Variants in ROBO2 observed in about 807,000 individuals in gnomAD.
ROBO2 encodes roundabout guidance receptor 2.
A neutral mutation model predicts 160.8 loss-of-function variants in ROBO2; 53 were observed. That is an observed-to-expected ratio of 0.33 (90% CI 0.26 to 0.41). The LOEUF is 0.41. ROBO2 is among the 10% of genes least tolerant of loss of function. The pLI is 1.00. For missense variants in ROBO2, 1,577 were observed against 1,722.4 expected, an observed-to-expected ratio of 0.92 and a Z score of 1.49; for synonymous variants, 664 against 611.7, an observed-to-expected ratio of 1.09 and a Z score of -1.26.
At chr3:76,223,589 C>T (rs545144929) in intron 2 of ROBO2, among the ~76,000 whole-genome samples, 5 of 152,250 alleles carry the variant, frequency 3.3e-5, no homozygotes, top group South Asian at 2.1e-4. Context: ...TTTCCCCAAT[C>T]GGTGCCCTCA....
chr3:77,585,330 T>C (rs1361120345), intron 16 of ROBO2, among the ~76,000 whole-genome samples: 1 of 151,422 alleles, frequency 6.6e-6, no homozygotes. Context: ...CAATCACAGT[T>C]ATGCACTGAA....
chr3:77,372,230 G>A lies in ROBO2; in HGVS notation c.389-105184G>A, dbSNP rs112572043. Among the ~76,000 whole-genome samples the A allele has an allele frequency of 4.4e-3, 662 of 152,110 alleles. 1 individual carries two copies. The highest frequency in any genetic ancestry group is 0.014 in the Middle Eastern group (4 of 294). On this transcript the variant is annotated intron_variant, in intron 2 of 25. Transcript: ENST00000461745. Reference sequence around the variant, plus strand: ...GGGAGCAAGAAAAGAAAAAGGAAAAGCATTATTAAAAAGTGTCCGGTTTAG... The same window carrying A: ...GGGAGCAAGAAAAGAAAAAGGAAAAACATTATTAAAAAGTGTCCGGTTTAG...
intron 2 of ROBO2, among the ~76,000 whole-genome samples, chr3:76,472,092 TGTGTGTGTGCGC>T (rs1450212912): frequency 4.8e-5 from 6 of 123,922 alleles, no homozygotes; most frequent in African/African-American, 1.4e-4. Context: ...TGTGTGTGTG[TGTGTGTGTGCGC>T]GTGTGCGTGC....
chr3:76,985,442 C>T (rs573661435), intron 2 of ROBO2, among the ~76,000 whole-genome samples: 2 of 151,158 alleles, frequency 1.3e-5, no homozygotes, highest in African/African-American at 4.8e-5. Flanking sequence ...ATTAGCCGGG[C>T]GTGGTGGCAG....
intron 2 of ROBO2, among the ~76,000 whole-genome samples, chr3:76,601,366 C>T (rs1479692097): frequency 1.3e-5 from 2 of 152,200 alleles, no homozygotes; most frequent in East Asian, 3.9e-4. Context: ...CCCTTCAGCA[C>T]TACCCTAGCA....
chr3:77,606,865 A>G (rs754557766), intron 20 of ROBO2, among the ~76,000 whole-genome samples: 6 of 152,214 alleles, frequency 3.9e-5, no homozygotes, highest in Non-Finnish European at 7.4e-5. Context: ...TGGGAGCCAC[A>G]GAAGTTATAT....
intron 2 of ROBO2, among the ~76,000 whole-genome samples, chr3:77,456,126 A>G (rs1453123435): frequency 6.6e-6 from 1 of 152,202 alleles, no homozygotes; most frequent in Non-Finnish European, 1.5e-5. Context: ...CCATAATATC[A>G]TAGCACATTC....
chr3:76,054,032 G>C lies in ROBO2; in HGVS notation c.109+116430G>C, dbSNP rs191365043. Reference sequence around the variant, plus strand: ...TCTGTTTGGAACTAAATTGACCAAAGACATTAACAAACATGTCTGATATGG... The same window carrying C: ...TCTGTTTGGAACTAAATTGACCAAACACATTAACAAACATGTCTGATATGG... On this transcript the variant is annotated intron_variant, in intron 2 of 26. Transcript: ENST00000487694. 1.1e-3 allele frequency among the ~76,000 whole-genome samples: 170 copies of C among 152,134 alleles called. 1 individual carries two copies. In the Middle Eastern group the frequency reaches 0.017, roughly 15 times the overall value.
chr3:76,456,489 C>G (rs2077761492), intron 2 of ROBO2, among the ~76,000 whole-genome samples: 1 of 152,164 alleles, frequency 6.6e-6, no homozygotes, highest in African/African-American at 2.4e-5. Flanking sequence ...AAAGTACCAG[C>G]AGGTACTTTA....
chr3:77,629,617 G>A (rs962280152), intron 23 of ROBO2: 5 of 152,172 alleles, frequency 3.3e-5, no homozygotes, highest in Middle Eastern at 3.4e-3. Context: ...CAATATTCAA[G>A]TATATCAAAG....
intron 2 of ROBO2, among the ~76,000 whole-genome samples, chr3:77,332,945 C>T (rs183819761): frequency 6.6e-6 from 1 of 152,164 alleles, no homozygotes; most frequent in Admixed American, 6.5e-5. Context: ...AACCCGGATG[C>T]GCTTCCTCAC....
intron 2 of ROBO2, among the ~76,000 whole-genome samples, chr3:75,955,334 A>G (rs770481021): frequency 6.6e-6 from 1 of 151,800 alleles, no homozygotes; most frequent in Non-Finnish European, 1.5e-5. Context: ...AGAACTTTGC[A>G]TAGAATATAA....
At chr3:77,168,491 T>C (rs1391241027) in intron 2 of ROBO2, among the ~76,000 whole-genome samples, 3 of 152,204 alleles carry the variant, frequency 2.0e-5, no homozygotes, top group Non-Finnish European at 2.9e-5. Flanking sequence ...CTTCCTTTTC[T>C]TATTTCCTTT....
Position 77,538,170 on chromosome 3 carries a change from C to CTTTTT in ROBO2, c.935-8146_935-8142dup, listed in dbSNP as rs59409802. ...GGTAATTTAGCAATTTGATCATTTA[C>CTTTTT]TTTTTTTTTTTTTTTTTTTTTTTTT... On this transcript the variant is annotated intron_variant, in intron 6 of 25. Transcript: ENST00000461745. 3.0e-4 allele frequency among the ~76,000 whole-genome samples: 31 copies of CTTTTT among 102,492 alleles called. 2 individuals are homozygous for CTTTTT. Among genetic ancestry groups the CTTTTT allele is most frequent in the Non-Finnish European group, 3.6e-4 (19 of 52,494 alleles). 67.2% of individuals were successfully genotyped at this position (102,492 alleles called of 152,430 possible). A position where few individuals can be genotyped will look rare whatever the true frequency, so the allele number is the denominator to read the frequency against.
chr3:76,346,386 T>G (rs1264411229), intron 2 of ROBO2, among the ~76,000 whole-genome samples: 1 of 152,126 alleles, frequency 6.6e-6, no homozygotes, highest in Non-Finnish European at 1.5e-5. Context: ...TAGAAAGCAT[T>G]GACGGTAAGT....
At chr3:77,420,876 G>A (rs1293129846) in intron 2 of ROBO2, among the ~76,000 whole-genome samples, 1 of 152,086 alleles carries the variant, frequency 6.6e-6, no homozygotes, top group Non-Finnish European at 1.5e-5. Flanking sequence ...GTAGATTTAT[G>A]CACATTTTTC....
At position 77,440,467 on chromosome 3, in the gene ROBO2, G is replaced by A. The variant is rs189202340; in HGVS notation, c.389-36947G>A. On this transcript the variant is annotated intron_variant, in intron 2 of 25. Coordinates refer to ENST00000461745, the Ensembl canonical transcript of ROBO2. The stretch of plus-strand genomic sequence containing the variant: ...TTTATGGTAGTTAAAAAGTTAAAAT[G>A]TACTTTTATAATGAGCTGTGCATAT... 2.0e-3 allele frequency among the ~76,000 whole-genome samples: 306 copies of A among 152,204 alleles called. 3 individuals are homozygous for A. The highest frequency in any genetic ancestry group is 5.8e-3 in the African/African-American group (240 of 41,542).
chr3:77,124,217 A>G (rs1031526929), intron 2 of ROBO2, among the ~76,000 whole-genome samples: 5 of 152,270 alleles, frequency 3.3e-5, no homozygotes, highest in South Asian at 4.1e-4. Context: ...AATGAAAGAT[A>G]TGAGTTAGAG....
At chr3:77,424,713 G>A (rs905894353) in intron 2 of ROBO2, among the ~76,000 whole-genome samples, 2 of 152,190 alleles carry the variant, frequency 1.3e-5, no homozygotes, top group African/African-American at 4.8e-5. Context: ...AAAATACTGA[G>A]GTTTCTTAGT....
Sources: allele counts gnomAD v4.1 joint callset (sites outside exome capture counted in the v4.1 genomes callset), GRCh38; gene constraint gnomAD v4.1.1; transcripts MANE v1.5; gene names NCBI Gene and HGNC (gene_info 2026-07-23, HGNC 2026-07-21).